RTF1: variants seen among roughly 807,000 people sequenced by gnomAD.
RTF1 encodes the protein RNA polymerase-associated protein RTF1 homolog.
RTF1 carries 10 observed loss-of-function variants against 95.7 expected under a neutral mutation model. The observed-to-expected ratio is 0.10, with a 90% CI of 0.06 to 0.18. The LOEUF (loss-of-function observed/expected upper bound fraction) is 0.18, where lower values mean the gene tolerates loss of function less well. RTF1 is among the 10% of genes least tolerant of loss of function. The probability of loss-of-function intolerance (pLI) is 1.00; values close to 1 mark genes in which losing one functional copy is unlikely to be tolerated. For missense variants in RTF1, 458 were observed against 875.6 expected (o/e 0.52, Z 6.02); for synonymous variants, 305 against 311.8 (o/e 0.98, Z 0.23).
At chr15:41,433,864 T>G (rs899478868) in intron 1 of RTF1, among the ~76,000 whole-genome samples, 7 of 143,794 alleles carry the variant, frequency 4.9e-5, no homozygotes, top group African/African-American at 1.6e-4. Flanking sequence ...TTTTTTTTTT[T>G]GATGGAGTTT....
intron 12 of RTF1, 117 bp from the exon 13 acceptor site, chr15:41,477,048 T>G (rs187554961): frequency 4.5e-5 from 58 of 1,286,722 alleles, no homozygotes; most frequent in Non-Finnish European, 5.9e-5. Context: ...CTTCCACATC[T>G]CCTGTCCTTT....
intron 2 of RTF1, among the ~76,000 whole-genome samples, chr15:41,444,838 C>T (rs1416680338): frequency 6.6e-6 from 1 of 152,110 alleles, no homozygotes; most frequent in Non-Finnish European, 1.5e-5. Context: ...CCAGGGAATG[C>T]CATAGAGTTT....
At chr15:41,478,786 T>C (rs2050955282) in intron 15 of RTF1, 161 bp downstream of exon 15, 1 of 654,450 alleles carries the variant, frequency 1.5e-6, no homozygotes, top group South Asian at 1.9e-5. Context: ...TATCTTGCTA[T>C]AGGACATATC....
intron 3 of RTF1, among the ~76,000 whole-genome samples, chr15:41,456,061 C>T (rs1467982234): frequency 6.6e-6 from 1 of 151,816 alleles, no homozygotes; most frequent in Non-Finnish European, 1.5e-5. Context: ...GAAAAATTAG[C>T]CGGGCGTGGT....
rs768202507 is a variant in RTF1 at position 41,471,230 on chromosome 15, G to T, written c.1084G>T (p.Val362Phe). Residue 362 changes from valine to phenylalanine, a missense_variant, in exon 8 of 18, where the codon GTT (valine) becomes TTT (phenylalanine). By Grantham distance (50) the Val-to-Phe change is conservative. This residue lies in a region of RTF1 where 150 missense variants were observed against 275.7 expected (regional missense o/e 0.54). Coordinates refer to ENST00000389629, the MANE Select transcript of RTF1 (RefSeq NM_015138.5). ...TTCCTTACCTGAAGAATTGAATCGGGTTCGATTATCACGGCATAAGCTAGA... is the reference window on the plus strand; with the variant it reads ...TTCCTTACCTGAAGAATTGAATCGGTTTCGATTATCACGGCATAAGCTAGA... Reference protein sequence around the residue: ...PVSLPEELNRVRLSRHKLERW... With the variant: ...PVSLPEELNRFRLSRHKLERW... The T allele has an allele frequency of 6.2e-7, 1 of 1,613,644 alleles. No homozygotes were observed. Among genetic ancestry groups the T allele is most frequent in the Non-Finnish European group, 8.5e-7 (1 of 1,179,904 alleles).
chr15:41,464,815 A>G lies in RTF1; in HGVS notation c.707A>G (p.Lys236Arg), dbSNP rs2050871898. The G allele has an allele frequency of 6.4e-7, 1 of 1,567,004 alleles. No homozygotes were observed. The highest frequency in any genetic ancestry group is 2.3e-5 in the East Asian group (1 of 43,862). Reference sequence around the variant, plus strand: ...CTAAAAACAGCCAAAAAGAAAGAAAAGAAAGAAAAGAAGAAAAAGCAAGAA... The same window carrying G: ...CTAAAAACAGCCAAAAAGAAAGAAAGGAAAGAAAAGAAGAAAAAGCAAGAA... ...KKLKTAKKKE[K>R]KEKKKKQEEE... Residue 236 changes from lysine (K) to arginine (R), a missense_variant, in exon 5 of 18, where the codon AAG (lysine) becomes AGG (arginine). Lys to Arg is a conservative substitution (Grantham distance 26). Coordinates refer to ENST00000389629, the MANE Select transcript of RTF1 (RefSeq NM_015138.5).
intron 8 of RTF1, among the ~76,000 whole-genome samples, chr15:41,472,720 T>TA (rs2050919677): frequency 6.8e-6 from 1 of 146,308 alleles, no homozygotes; most frequent in African/African-American, 2.5e-5. Flanking sequence ...TTTTTTTTTT[T>TA]AGACGGAGTC....
chr15:41,442,625 C>T (rs916336074), intron 2 of RTF1, among the ~76,000 whole-genome samples: 5 of 152,060 alleles, frequency 3.3e-5, no homozygotes, highest in Non-Finnish European at 5.9e-5. Flanking sequence ...GTGGCTCACA[C>T]CTGTAATCCC....
intron 1 of RTF1, among the ~76,000 whole-genome samples, chr15:41,437,129 C>T (rs1037056751): frequency 6.6e-6 from 1 of 151,946 alleles, no homozygotes; most frequent in Non-Finnish European, 1.5e-5. Context: ...AAAAAAATCT[C>T]TTTTCTTTCA....
chr15:41,446,036 CA>C (rs2050759176), intron 2 of RTF1, among the ~76,000 whole-genome samples: 1 of 152,128 alleles, frequency 6.6e-6, no homozygotes, highest in African/African-American at 2.4e-5. Flanking sequence ...CCACCACACC[CA>C]GCTTCCTCTG....
In RTF1 at chr15:41,474,704, TAGG is replaced by T; in HGVS notation, c.1286+6_1286+8del. The T allele has an allele frequency of 6.2e-7, 1 of 1,611,268 alleles. No individual in the cohort carries two copies. Among genetic ancestry groups the T allele is most frequent in the Non-Finnish European group, 8.5e-7 (1 of 1,177,386 alleles). ...AACAAACAAAGGGCTGCAACTACGG[TAGG>T]AGGCACTTCTGGGGTAGCTTCTGCT... On this transcript the variant is annotated splice_donor_5th_base_variant and intron_variant, in intron 9 of 17. Coordinates refer to ENST00000389629, the MANE Select transcript of RTF1 (RefSeq NM_015138.5).
chr15:41,477,359 T>C, intron 13 of RTF1, 73 bp downstream of exon 13: 1 of 1,613,382 alleles, frequency 6.2e-7, no homozygotes, highest in Non-Finnish European at 8.5e-7. Context: ...GCCTGTACAC[T>C]CTGTGCTGCA....
intron 3 of RTF1, among the ~76,000 whole-genome samples, chr15:41,455,809 T>C (rs543383906): frequency 1.4e-4 from 21 of 150,084 alleles, no homozygotes; most frequent in South Asian, 4.2e-4. Flanking sequence ...ATAATGGACA[T>C]TGGGGACTTG....
intron 3 of RTF1, among the ~76,000 whole-genome samples, chr15:41,453,508 T>C (rs2050798248): frequency 6.6e-6 from 1 of 152,110 alleles, no homozygotes; most frequent in Non-Finnish European, 1.5e-5. Flanking sequence ...GGAGGATCGC[T>C]TGAGCCCAGG....
chr15:41,458,644 G>T (rs1157115333), intron 4 of RTF1, among the ~76,000 whole-genome samples: 1 of 151,816 alleles, frequency 6.6e-6, no homozygotes, highest in East Asian at 1.9e-4. Flanking sequence ...AGCTACTCAG[G>T]AGGCCGAGGC....
intron 1 of RTF1, among the ~76,000 whole-genome samples, chr15:41,426,147 G>A (rs183298745): frequency 6.6e-6 from 1 of 152,008 alleles, no homozygotes; most frequent in Non-Finnish European, 1.5e-5. Flanking sequence ...TTTTTTGGAG[G>A]TGGAGTCTCG....
intron 2 of RTF1, among the ~76,000 whole-genome samples, chr15:41,449,265 C>T (rs1213867563): frequency 7.5e-6 from 1 of 132,964 alleles, no homozygotes; most frequent in African/African-American, 3.0e-5. Flanking sequence ...GAGTCTCGCT[C>T]TGTTGCCCAG....
At chr15:41,434,773 G>A (rs1301010098) in intron 1 of RTF1, among the ~76,000 whole-genome samples, 2 of 151,320 alleles carry the variant, frequency 1.3e-5, no homozygotes, top group Non-Finnish European at 2.9e-5. Flanking sequence ...GATTACAGGC[G>A]CACATCACCA....
At chr15:41,441,571 T>A (rs1045020689) in intron 2 of RTF1, among the ~76,000 whole-genome samples, 2 of 152,062 alleles carry the variant, frequency 1.3e-5, no homozygotes, top group South Asian at 4.1e-4. Context: ...ACAACTTGTG[T>A]TAGAGGAGAT....
Sources: allele counts gnomAD v4.1 joint callset (sites outside exome capture counted in the v4.1 genomes callset), GRCh38; gene constraint gnomAD v4.1.1; regional missense constraint gnomAD v4.1.1; transcripts MANE v1.5; gene names NCBI Gene and HGNC (gene_info 2026-07-23, HGNC 2026-07-21).